Variants in CSMD1 observed in about 807,000 individuals in gnomAD.
CSMD1 encodes the protein CUB and sushi domain-containing protein 1.
In CSMD1, 213 loss-of-function variants were observed where a neutral mutation model predicts 417.5. The observed-to-expected ratio is 0.51, with a 90% CI of 0.46 to 0.57. CSMD1 has a LOEUF of 0.57. Ranked by LOEUF, CSMD1 falls within the 20% of genes least tolerant of loss-of-function variation. CSMD1 has a pLI of 0.00. For synonymous variants in CSMD1, 2,862 were observed against 1,736.8 expected (o/e 1.65, Z -16.11); for missense variants, 6,923 against 4,529.7 (o/e 1.53, Z -15.17).
chr8:4,493,802 G>C (rs953122740), intron 2 of CSMD1, among the ~76,000 whole-genome samples: 3 of 152,172 alleles, frequency 2.0e-5, no homozygotes, highest in African/African-American at 7.2e-5. Context: ...CTAAGCTGAG[G>C]AGGAGCCACT....
At chr8:4,908,726 G>GATT (rs1805467795) in intron 1 of CSMD1, among the ~76,000 whole-genome samples, 1 of 152,064 alleles carries the variant, frequency 6.6e-6, no homozygotes, top group African/African-American at 2.4e-5. Flanking sequence ...CTGTCACCAT[G>GATT]TTATTTTCTA....
intron 7 of CSMD1, among the ~76,000 whole-genome samples, chr8:3,691,930 A>G (rs1341165233): frequency 2.0e-5 from 3 of 152,160 alleles, no homozygotes; most frequent in African/African-American, 7.2e-5. Flanking sequence ...ACACACTCCA[A>G]TATTATTTTA....
intron 21 of CSMD1, among the ~76,000 whole-genome samples, chr8:3,348,723 G>C (rs74680224): frequency 6.6e-6 from 1 of 152,302 alleles, no homozygotes; most frequent in Non-Finnish European, 1.5e-5. Context: ...TTCAATGGCA[G>C]TAATTATCTG....
At chr8:3,901,671 A>G (rs1807763319) in intron 5 of CSMD1, among the ~76,000 whole-genome samples, 1 of 152,218 alleles carries the variant, frequency 6.6e-6, no homozygotes, top group Non-Finnish European at 1.5e-5. Flanking sequence ...CACAGAATGT[A>G]CTTCTGTTTA....
intron 1 of CSMD1, among the ~76,000 whole-genome samples, chr8:4,651,914 C>T (rs933318092): frequency 5.3e-5 from 8 of 152,122 alleles, no homozygotes; most frequent in African/African-American, 1.7e-4. Context: ...CTTTCATGTG[C>T]TAGTATGATT....
intron 1 of CSMD1, among the ~76,000 whole-genome samples, chr8:4,712,632 T>C (rs1260085767): frequency 6.6e-6 from 1 of 152,208 alleles, no homozygotes; most frequent in Non-Finnish European, 1.5e-5. Flanking sequence ...TTTGATGAGA[T>C]TTGCAGCATC....
rs866775297 is a variant in CSMD1, at chr8:3,862,519, G to C, written c.819-108477C>G. ...CCTTTCCCAGACCTTACAACTGTTT[G>C]CTACCATAAAATTCACCTTTTCTTT... On this transcript the variant is annotated intron_variant, in intron 5 of 69. Transcript: ENST00000635120. Among the ~76,000 whole-genome samples the C allele has an allele frequency of 5.3e-5, 8 of 152,236 alleles. No individual in the cohort carries two copies. The South Asian group carries it at 1.7e-3, about 32-fold the overall frequency.
At chr8:3,229,295 A>G (rs573472574) in intron 27 of CSMD1, among the ~76,000 whole-genome samples, 15 of 152,352 alleles carry the variant, frequency 9.8e-5, no homozygotes, top group African/African-American at 3.6e-4. Context: ...ACAGTTACTT[A>G]AAATAATAAA....
chr8:3,436,283 A>G (rs1027851874), intron 12 of CSMD1, among the ~76,000 whole-genome samples: 9 of 152,228 alleles, frequency 5.9e-5, no homozygotes, highest in Non-Finnish European at 1.3e-4. Flanking sequence ...AGTAAGATAC[A>G]TCCCATATCA....
intron 50 of CSMD1, among the ~76,000 whole-genome samples, chr8:3,039,394 C>T (rs765865197): frequency 8.9e-5 from 12 of 134,400 alleles, no homozygotes; most frequent in South Asian, 2.3e-4. Flanking sequence ...CTTCCTTCCC[C>T]CTTCCCTTCC....
At chr8:3,449,690 G>T (rs186357830) in intron 12 of CSMD1, among the ~76,000 whole-genome samples, 1 of 151,946 alleles carries the variant, frequency 6.6e-6, no homozygotes, top group Non-Finnish European at 1.5e-5. Context: ...GCTAATTTTT[G>T]TATTTTTAGT....
intron 1 of CSMD1, among the ~76,000 whole-genome samples, chr8:4,648,462 T>TCA (rs1803677660): frequency 6.6e-6 from 1 of 152,038 alleles, no homozygotes; most frequent in Non-Finnish European, 1.5e-5. Context: ...TAGATCTTCC[T>TCA]CACACACACA....
At chr8:4,854,982 C>T (rs1453523457) in intron 1 of CSMD1, among the ~76,000 whole-genome samples, 1 of 152,188 alleles carries the variant, frequency 6.6e-6, no homozygotes, top group Non-Finnish European at 1.5e-5. Context: ...AACAAAAAGA[C>T]ATCAGTAACC....
intron 1 of CSMD1, among the ~76,000 whole-genome samples, chr8:4,662,523 T>C (rs1320235027): frequency 6.6e-6 from 1 of 152,192 alleles, no homozygotes. Context: ...CCATCTGTGT[T>C]TTTCAGGCAC....
intron 54 of CSMD1, among the ~76,000 whole-genome samples, chr8:2,986,846 G>C (rs1381910609): frequency 6.6e-6 from 1 of 151,986 alleles, no homozygotes; most frequent in African/African-American, 2.4e-5. Context: ...CTAATGCAAA[G>C]GAAAAACATT....
At chr8:3,868,663 T>G (rs1197603562) in intron 5 of CSMD1, among the ~76,000 whole-genome samples, 1 of 152,132 alleles carries the variant, frequency 6.6e-6, no homozygotes, top group Non-Finnish European at 1.5e-5. Context: ...AACTCATACC[T>G]CTGCAATCTT....
intron 3 of CSMD1, among the ~76,000 whole-genome samples, chr8:4,364,664 A>C (rs1563097182): frequency 1.6e-5 from 1 of 60,614 alleles, no homozygotes; most frequent in Non-Finnish European, 2.8e-5. Flanking sequence ...CTCTACTAAA[A>C]ATACAAAAAA....
chr8:4,241,934 C>G (rs1802430243), intron 3 of CSMD1, among the ~76,000 whole-genome samples: 2 of 152,122 alleles, frequency 1.3e-5, no homozygotes. Flanking sequence ...TACTGTCCTA[C>G]CAATTGACCA....
At chr8:3,205,798 G>T (rs1165700441) in intron 30 of CSMD1, among the ~76,000 whole-genome samples, 178 bp from the exon 31 acceptor site, 1 of 152,020 alleles carries the variant, frequency 6.6e-6, no homozygotes. Context: ...GATTTACCAG[G>T]GAAGAAGTAA....
Sources: gnomAD v4.1 joint callset for allele counts (sites outside exome capture counted in the v4.1 genomes callset) on GRCh38, gnomAD v4.1.1 for gene constraint, MANE v1.5 for transcripts, NCBI Gene and HGNC (gene_info 2026-07-23, HGNC 2026-07-21) for gene names.